RPL26: variants seen among roughly 807,000 people sequenced by gnomAD.
The protein encoded by RPL26 is large ribosomal subunit protein uL24.
Under a neutral mutation model 16.2 loss-of-function variants are expected in RPL26, and 1 was observed. The observed-to-expected ratio is 0.06, with a 90% CI of 0.02 to 0.29. RPL26 has a LOEUF of 0.29. Among genes scored for constraint, RPL26 ranks in the 10% least tolerant of loss-of-function variants. The pLI, the probability that RPL26 is intolerant of heterozygous loss-of-function variation, is 1.00. For missense variants in RPL26, 102 were observed against 184.3 expected, an observed-to-expected ratio of 0.55 and a Z score of 2.58; for synonymous variants, 55 against 62.4, an observed-to-expected ratio of 0.88 and a Z score of 0.56.
intron 1 of RPL26, chr17:8,382,730 G>C (rs1907482535): frequency 3.2e-6 from 1 of 309,912 alleles, no homozygotes; most frequent in Non-Finnish European, 5.9e-6. Context: ...ACAGGCTTAA[G>C]AGTGAATACG....
intron 1 of RPL26, chr17:8,382,732 G>A (rs1597496807): frequency 3.2e-6 from 1 of 312,288 alleles, no homozygotes. Context: ...AGGCTTAAGA[G>A]TGAATACGTA....
chr17:8,382,725 C>T (rs1240002882), intron 1 of RPL26: 1 of 306,210 alleles, frequency 3.3e-6, no homozygotes, highest in South Asian at 1.1e-4. Flanking sequence ...CTTCTACAGG[C>T]TTAAGAGTGA....
intron 3 of RPL26, among the ~76,000 whole-genome samples, chr17:8,377,926 G>A (rs181941126): frequency 2.0e-4 from 30 of 152,318 alleles, no homozygotes; most frequent in Middle Eastern, 3.4e-3. Context: ...AATTCTTAAA[G>A]CCTCTTCTGT....
At chr17:8,381,307 T>G (rs1283325409) in intron 2 of RPL26, 1 of 152,244 alleles carries the variant, frequency 6.6e-6, no homozygotes, top group Non-Finnish European at 1.5e-5. Context: ...TCTGCATGAA[T>G]TAAACTCTTT....
Position 8,380,083 on chromosome 17 carries a change from GACA to G in RPL26, c.169-150_169-148del, listed in dbSNP as rs1307141976. 2.9e-5 allele frequency: 18 copies of G among 618,866 alleles called. No homozygotes were observed. In the East Asian group the frequency reaches 3.3e-4, roughly 12 times the overall value. The allele number at this position is 618,866 out of a possible 1,614,324, so 38.3% of individuals were successfully genotyped here. On this transcript the variant is annotated intron_variant, in intron 2 of 3. Transcript: ENST00000648839. The stretch of plus-strand genomic sequence containing the variant: ...CCACTTCGGCAACCTGTAAGAAGTT[GACA>G]ACAAGGAATCTGTTACTCCATCTCA...
At chr17:8,383,127 A>T in intron 1 of RPL26, 30 bp downstream of exon 1, 1 of 398,552 alleles carries the variant, frequency 2.5e-6, no homozygotes, top group Non-Finnish European at 4.4e-6. Context: ...ATGGCTGCTG[A>T]TTACACCCGC....
chr17:8,382,342 A>C, intron 1 of RPL26, 27 bp from the exon 2 acceptor site: 3 of 1,521,502 alleles, frequency 2.0e-6, no homozygotes, highest in Non-Finnish European at 2.7e-6. Context: ...AAAGACTCTT[A>C]AATGACCAAA....
intron 2 of RPL26, 154 bp from the exon 3 acceptor site, chr17:8,380,090 A>T (rs1907342869): frequency 1.6e-6 from 1 of 611,672 alleles, no homozygotes; most frequent in African/African-American, 1.9e-5. Context: ...GTTGACAACA[A>T]GGAATCTGTT....
intron 2 of RPL26, 135 bp from the exon 3 acceptor site, chr17:8,380,071 C>T: frequency 3.0e-6 from 2 of 664,754 alleles, no homozygotes; most frequent in Non-Finnish European, 5.0e-6. Context: ...CTTCGGCAAC[C>T]TGTAAGAAGT....
At chr17:8,383,123 G>C in intron 1 of RPL26, 34 bp downstream of exon 1, 1 of 398,684 alleles carries the variant, frequency 2.5e-6, no homozygotes, top group Non-Finnish European at 4.4e-6. Context: ...ACGGATGGCT[G>C]CTGATTACAC....
chr17:8,379,767 T>G (rs771855097), intron 3 of RPL26, 29 bp downstream of exon 3: 102 of 1,601,154 alleles, frequency 6.4e-5, no homozygotes, highest in Non-Finnish European at 8.0e-5. Flanking sequence ...CATAATTTCC[T>G]TCTCTCAAGC....
chr17:8,379,543 C>G (rs745742689), intron 3 of RPL26: 1 of 553,694 alleles, frequency 1.8e-6, no homozygotes. Flanking sequence ...CACTGCACTC[C>G]GGCCTGGGTG....
chr17:8,381,988 GCTTA>G (rs1907438206), intron 2 of RPL26, 151 bp downstream of exon 2: 4 of 617,422 alleles, frequency 6.5e-6, no homozygotes, highest in East Asian at 3.0e-5. Context: ...CTGAAAAGCA[GCTTA>G]CTTACTGTTT....
intron 1 of RPL26, 171 bp downstream of exon 1, chr17:8,382,986 C>A (rs1907497644): frequency 2.5e-6 from 1 of 398,496 alleles, no homozygotes; most frequent in Non-Finnish European, 4.4e-6. Flanking sequence ...CATCCATCTC[C>A]GGCCCGGCGG....
chr17:8,377,542 A>G lies in RPL26; in HGVS notation c.*22T>C, dbSNP rs1567702942. 1 of 1,559,764 alleles carries G rather than the reference A, an allele frequency of 6.4e-7. No individual in the cohort carries two copies. Among genetic ancestry groups the G allele is most frequent in the Non-Finnish European group, 8.6e-7 (1 of 1,159,240 alleles). The stretch of plus-strand genomic sequence containing the variant: ...AGGCTCTTTGTTTCAAGTTTTAATC[A>G]AAGCTTGTATATAAGATTACTTTAT... On this transcript the variant is annotated 3_prime_UTR_variant, in exon 4 of 4. Transcript: ENST00000648839.
intron 2 of RPL26, chr17:8,381,367 C>A (rs1907401160): frequency 6.6e-6 from 1 of 152,140 alleles, no homozygotes; most frequent in Admixed American, 6.5e-5. Context: ...GGACAGCAGG[C>A]AAAATGAGCC....
At chr17:8,380,265 G>A (rs1907349845) in intron 2 of RPL26, among the ~76,000 whole-genome samples, 1 of 152,150 alleles carries the variant, frequency 6.6e-6, no homozygotes, top group East Asian at 1.9e-4. Flanking sequence ...AGTTTGTGAG[G>A]ACAAGTATTT....
At chr17:8,382,927 G>A (rs1188636843) in intron 1 of RPL26, 1 of 397,526 alleles carries the variant, frequency 2.5e-6, no homozygotes, top group Non-Finnish European at 4.4e-6. Context: ...TATTTCCACA[G>A]GCTCCCTTCC....
Position 8,377,550 on chromosome 17 carries a change from T to A in RPL26, c.*14A>T. On this transcript the variant is annotated 3_prime_UTR_variant, in exon 4 of 4. Transcript: ENST00000648839. ...TGTTTCAAGTTTTAATCAAAGCTTGTATATAAGATTACTTTATTCCTGCAT... is the reference window on the plus strand; with the variant it reads ...TGTTTCAAGTTTTAATCAAAGCTTGAATATAAGATTACTTTATTCCTGCAT... 3 of 1,576,008 alleles carry A rather than the reference T, an allele frequency of 1.9e-6. No homozygotes were observed. Among genetic ancestry groups the A allele is most frequent in the Non-Finnish European group, 2.6e-6 (3 of 1,168,298 alleles).
Sources: allele counts gnomAD v4.1 joint callset (sites outside exome capture counted in the v4.1 genomes callset), GRCh38; gene constraint gnomAD v4.1.1; transcripts MANE v1.5; gene names NCBI Gene and HGNC (gene_info 2026-07-23, HGNC 2026-07-21).